Variants in FAM228B observed in about 807,000 individuals in gnomAD.
The protein encoded by FAM228B is family with sequence similarity 228 member B.
Under a neutral mutation model 42.6 loss-of-function variants are expected in FAM228B, and 38 were observed. The ratio of observed to expected loss-of-function variants is 0.89; its 90% CI spans 0.69 to 1.17. The LOEUF is 1.17. Among genes scored for constraint, FAM228B ranks in the 50% most tolerant of loss-of-function variants. FAM228B has a pLI of 0.00. For missense variants in FAM228B, 344 were observed against 367.3 expected, an observed-to-expected ratio of 0.94 and a Z score of 0.52; for synonymous variants, 109 against 122.3, an observed-to-expected ratio of 0.89 and a Z score of 0.72.
intron 9 of FAM228B, among the ~76,000 whole-genome samples, chr2:24,164,585 TGGTGGAGCCACACGATGAGGGTGCCC>T (rs1667358835): frequency 6.7e-6 from 1 of 150,164 alleles, no homozygotes; most frequent in Non-Finnish European, 1.5e-5. Flanking sequence ...GGGTGCCCCC[TGGTGGAGCCACACGATGAGGGTGCCC>T]CCTGGTGGGT....
intron 2 of FAM228B, among the ~76,000 whole-genome samples, chr2:24,132,122 T>G (rs1666468362): frequency 6.6e-6 from 1 of 152,218 alleles, no homozygotes; most frequent in South Asian, 2.1e-4. Flanking sequence ...GTTTATGTGA[T>G]GGATTATGTT....
upstream of FAM228B, chr2:24,119,813 C>A: frequency 1.6e-6 from 1 of 610,876 alleles, no homozygotes; most frequent in South Asian, 2.4e-5. Flanking sequence ...ATACATATTC[C>A]GTATATATTT....
intron 2 of FAM228B, among the ~76,000 whole-genome samples, chr2:24,088,002 C>T (rs1665300447): frequency 6.6e-6 from 1 of 152,052 alleles, no homozygotes; most frequent in African/African-American, 2.4e-5. Flanking sequence ...CTCGGCCTTC[C>T]AAAGTGCTGG....
intron 7 of FAM228B, among the ~76,000 whole-genome samples, chr2:24,147,580 C>G (rs912294307): frequency 1.3e-5 from 2 of 152,000 alleles, no homozygotes; most frequent in African/African-American, 4.8e-5. Context: ...TGATTTTCCA[C>G]TCTTTTTTTC....
intron 7 of FAM228B, among the ~76,000 whole-genome samples, chr2:24,154,537 A>G (rs934375035): frequency 9.9e-5 from 15 of 152,238 alleles, no homozygotes; most frequent in African/African-American, 3.4e-4. Context: ...TTCTCTTAAC[A>G]GTGTCTTTTG....
chr2:24,127,850 T>C (rs1284852928), intron 2 of FAM228B, among the ~76,000 whole-genome samples: 2 of 151,924 alleles, frequency 1.3e-5, no homozygotes, highest in East Asian at 1.9e-4. Flanking sequence ...TTTAGAAGAG[T>C]TGAGGTTTCA....
At chr2:24,160,433 C>A (rs537566705) in intron 7 of FAM228B, among the ~76,000 whole-genome samples, 1 of 152,234 alleles carries the variant, frequency 6.6e-6, no homozygotes, top group South Asian at 2.1e-4. Context: ...TTGCATTCTG[C>A]TTCTGGGCTC....
At chr2:24,121,577 G>A (rs1666119996), upstream of FAM228B, among the ~76,000 whole-genome samples, 1 of 152,056 alleles carries the variant, frequency 6.6e-6, no homozygotes, top group Admixed American at 6.6e-5. Flanking sequence ...GCAGAGTTGA[G>A]TGGTTGTGAC....
At chr2:24,091,560 A>G (rs945652179) in intron 2 of FAM228B, among the ~76,000 whole-genome samples, 1 of 152,378 alleles carries the variant, frequency 6.6e-6, no homozygotes, top group Non-Finnish European at 1.5e-5. Flanking sequence ...TGAAAGCTAC[A>G]TACACCAGAA....
At chr2:24,141,656 G>T (rs1430504842) in intron 5 of FAM228B, among the ~76,000 whole-genome samples, 1 of 152,218 alleles carries the variant, frequency 6.6e-6, no homozygotes, top group African/African-American at 2.4e-5. Flanking sequence ...GGGATTACAG[G>T]TGTGAGCCAC....
At chr2:24,078,085 G>A (rs1167461413) in intron 1 of FAM228B, among the ~76,000 whole-genome samples, 1 of 152,060 alleles carries the variant, frequency 6.6e-6, no homozygotes, top group African/African-American at 2.4e-5. Flanking sequence ...CCCCATACTA[G>A]GGCAAAAAGC....
rs146307975 is a variant in FAM228B at position 24,113,398 on chromosome 2, C to T, written c.-121+18169C>T. Among the ~76,000 whole-genome samples, 374 of 152,142 alleles carry T rather than the reference C, an allele frequency of 2.5e-3. 2 individuals carry two copies. The highest frequency in any genetic ancestry group is 8.6e-3 in the African/African-American group (356 of 41,498). ...GACCAGCCTGTGCAACATGGTGAGACCCCATCTTTACAAAAAATTTAAAAA... is the reference window on the plus strand; with the variant it reads ...GACCAGCCTGTGCAACATGGTGAGATCCCATCTTTACAAAAAATTTAAAAA... On this transcript the variant is annotated intron_variant, in intron 3 of 10. Coordinates refer to the FAM228B transcript ENST00000613899.
rs761220282 is a variant in FAM228B, at chr2:24,077,556, G to A, written c.-290+587G>A. On this transcript the variant is annotated intron_variant, in intron 1 of 10. Transcript: ENST00000613899. The surrounding 1 kb of genome is among the most constrained non-coding windows in gnomAD (Gnocchi z 5.5). ...CTCTGGAAAGGCCTGGGGTGGCCGC[G>A]TCCTGTCCTGCCCCATCCTCCTTCA... The A allele has an allele frequency of 1.2e-6, 2 of 1,602,924 alleles. No individual in the cohort carries two copies. Among genetic ancestry groups the A allele is most frequent in the East Asian group, 4.5e-5 (2 of 44,788 alleles).
intron 10 of FAM228B, chr2:24,167,998 T>G: frequency 3.4e-6 from 1 of 292,680 alleles, no homozygotes; most frequent in Non-Finnish European, 6.7e-6. Context: ...TCTCTGGCTC[T>G]AAGCATCTGA....
At chr2:24,156,856 T>C (rs568304856) in intron 7 of FAM228B, among the ~76,000 whole-genome samples, 1 of 148,918 alleles carries the variant, frequency 6.7e-6, no homozygotes, top group South Asian at 2.3e-4. Context: ...TTAGTTCTGC[T>C]CTGATCTCTT....
chr2:24,084,255 G>T lies in FAM228B; in HGVS notation c.-210+3300G>T, dbSNP rs146197887. On this transcript the variant is annotated intron_variant, in intron 2 of 10. Transcript: ENST00000613899. The surrounding 1 kb of genome is among the most constrained non-coding windows in gnomAD (Gnocchi z 8.4). Reference sequence around the variant, plus strand: ...TCAGGAGGACTTCACCCTCCCCCGGGCTCGGCTTGGCCACCTCCTTCACGT... The same window carrying T: ...TCAGGAGGACTTCACCCTCCCCCGGTCTCGGCTTGGCCACCTCCTTCACGT... 1.5e-5 allele frequency: 24 copies of T among 1,613,770 alleles called. No individual in the cohort carries two copies. Among genetic ancestry groups the T allele is most frequent in the Non-Finnish European group, 2.0e-5 (24 of 1,179,912 alleles).
At chr2:24,120,560 A>C (rs897558658), upstream of FAM228B, among the ~76,000 whole-genome samples, 1 of 118,528 alleles carries the variant, frequency 8.4e-6, no homozygotes, top group South Asian at 3.1e-4. Flanking sequence ...ATTTTTTTTA[A>C]AATTTTTTTT....
At chr2:24,144,052 T>G (rs1436698027) in intron 5 of FAM228B, among the ~76,000 whole-genome samples, 1 of 152,006 alleles carries the variant, frequency 6.6e-6, no homozygotes. Flanking sequence ...CCTCCATTTA[T>G]GATGTGTAAG....
chr2:24,145,537 T>C (rs1265805986), intron 5 of FAM228B, among the ~76,000 whole-genome samples: 1 of 152,142 alleles, frequency 6.6e-6, no homozygotes, highest in Non-Finnish European at 1.5e-5. Context: ...GATGCACAGA[T>C]GTCAATGTAA....
Sources: allele counts gnomAD v4.1 joint callset (sites outside exome capture counted in the v4.1 genomes callset), GRCh38; gene constraint gnomAD v4.1.1; non-coding constraint Gnocchi (gnomAD v3.1); transcripts MANE v1.5; gene names NCBI Gene and HGNC (gene_info 2026-07-23, HGNC 2026-07-21).